Variants in DDHD1 observed in about 807,000 individuals in gnomAD.
DDHD1 encodes the protein DDHD domain containing 1.
DDHD1 carries 49 observed loss-of-function variants against 96.4 expected under a neutral mutation model. The observed-to-expected ratio is 0.51, with a 90% CI of 0.40 to 0.64. The LOEUF (loss-of-function observed/expected upper bound fraction) is 0.64, where lower values mean the gene tolerates loss of function less well. Ranked by LOEUF, DDHD1 falls within the 30% of genes least tolerant of loss-of-function variation. DDHD1 has a pLI of 0.00. For missense variants in DDHD1, 1,106 were observed against 1,161.2 expected, an observed-to-expected ratio of 0.95 and a Z score of 0.69; for synonymous variants, 442 against 446.5, an observed-to-expected ratio of 0.99 and a Z score of 0.13.
chr14:53,142,080 A>G (rs1890677723), intron 1 of DDHD1, among the ~76,000 whole-genome samples: 1 of 152,244 alleles, frequency 6.6e-6, no homozygotes, highest in Non-Finnish European at 1.5e-5. Flanking sequence ...CCTGATGATA[A>G]CTCTTGGAAG....
intron 12 of DDHD1, among the ~76,000 whole-genome samples, chr14:53,047,953 C>T (rs1882171371): frequency 6.6e-6 from 1 of 152,134 alleles, no homozygotes. Context: ...GTAAAGTCTG[C>T]CCCTGAACAT....
chr14:53,118,997 G>C (rs1397704230), intron 1 of DDHD1, among the ~76,000 whole-genome samples: 1 of 152,150 alleles, frequency 6.6e-6, no homozygotes, highest in African/African-American at 2.4e-5. Flanking sequence ...GAAGAGAGTG[G>C]GGGCCAATAT....
rs892175334 is a variant in DDHD1, at chr14:53,092,002, GA to G, written c.1142-71del. The G allele has an allele frequency of 3.3e-5, 47 of 1,437,060 alleles. No individual in the cohort carries two copies. The African/African-American group carries it at 5.3e-4, about 16-fold the overall frequency. The allele number at this position is 1,437,060 out of a possible 1,614,324, so 89.0% of individuals were successfully genotyped here. ...ATAGCATTTCCACAATATGTTAAAA[GA>G]AAAAAAAGAAGTAAAAGGAATATTA... On this transcript the variant is annotated intron_variant, in intron 3 of 12. Coordinates refer to ENST00000673822, the MANE Select transcript of DDHD1 (RefSeq NM_001160148.2).
intron 1 of DDHD1, among the ~76,000 whole-genome samples, chr14:53,142,260 T>A (rs2139887146): frequency 6.6e-6 from 1 of 152,346 alleles, no homozygotes; most frequent in South Asian, 2.1e-4. Context: ...GGATAAGGAA[T>A]GGCTGTCACG....
chr14:53,117,590 G>A (rs918339519), intron 1 of DDHD1, among the ~76,000 whole-genome samples: 2 of 152,318 alleles, frequency 1.3e-5, no homozygotes, highest in African/African-American at 2.4e-5. Flanking sequence ...CCTGGTGGGG[G>A]AAAGGGGCAT....
At chr14:53,047,495 C>A (rs924880376) in intron 12 of DDHD1, among the ~76,000 whole-genome samples, 1 of 152,158 alleles carries the variant, frequency 6.6e-6, no homozygotes, top group South Asian at 2.1e-4. Context: ...TCACAGGCAA[C>A]CCCCATAAAC....
chr14:53,132,650 T>C (rs10144420), intron 1 of DDHD1, among the ~76,000 whole-genome samples: 84,134 of 152,044 alleles, frequency 0.55, 25,202 homozygotes, highest in South Asian at 0.7. Context: ...ACCATGCTGT[T>C]ACATGGGCAG....
At chr14:53,055,591 C>A in intron 10 of DDHD1, 69 bp downstream of exon 10, 1 of 1,362,268 alleles carries the variant, frequency 7.3e-7, no homozygotes, top group Non-Finnish European at 9.8e-7. Flanking sequence ...TAGAATACTT[C>A]TAGTCCCCCA....
intron 10 of DDHD1, 64 bp from the exon 11 acceptor site, chr14:53,054,693 C>A: frequency 6.6e-7 from 1 of 1,522,764 alleles, no homozygotes; most frequent in Non-Finnish European, 9.0e-7. Flanking sequence ...CTAAAGAGCA[C>A]CACCCATAAT....
In DDHD1 at chr14:53,042,203, T is replaced by G. The variant is rs1244163559; in HGVS notation, c.*4565A>C. 5 of 152,198 alleles carry G rather than the reference T, an allele frequency of 3.3e-5. No homozygotes were observed. The highest frequency in any genetic ancestry group is 7.3e-5 in the Non-Finnish European group (5 of 68,030). 9.4% of individuals were successfully genotyped at this position (152,198 alleles called of 1,614,324 possible). On this transcript the variant is annotated 3_prime_UTR_variant, in exon 13 of 13. Transcript: ENST00000673822. The stretch of plus-strand genomic sequence containing the variant: ...AGGCCCCCACGCAGCACCAGATAGA[T>G]TCACAGAGCATTTAGTGTAGCAAAG...
chr14:53,057,786 C>T (rs749802640), intron 9 of DDHD1, among the ~76,000 whole-genome samples: 12 of 152,212 alleles, frequency 7.9e-5, no homozygotes, highest in Admixed American at 1.3e-4. Context: ...CCAAAACACA[C>T]GTTTAATAAT....
intron 1 of DDHD1, among the ~76,000 whole-genome samples, chr14:53,150,367 T>C (rs1891261988): frequency 6.6e-6 from 1 of 152,250 alleles, no homozygotes; most frequent in African/African-American, 2.4e-5. Context: ...GACTAATGAA[T>C]GAACTGCTTC....
In DDHD1 at chr14:53,103,874, C is replaced by T; in HGVS notation, c.839-18G>A. ...ATCAGCCTCTGAAAAAGAGAAATCA[C>T]AGAATTATACACATTTTAAGATTCA... On this transcript the variant is annotated intron_variant, in intron 1 of 12. Transcript: ENST00000673822. The T allele has an allele frequency of 6.3e-7, 1 of 1,574,814 alleles. No homozygotes were observed. Among genetic ancestry groups the T allele is most frequent in the Non-Finnish European group, 8.6e-7 (1 of 1,165,238 alleles).
Position 53,063,010 on chromosome 14 carries a change from G to A in DDHD1, c.1699C>T (p.Pro567Ser). The change falls in exon 7 of 13, where the codon CCT (proline) becomes TCT (serine). Residue 567 changes from proline (P) to serine (S), a missense_variant. Around this residue, in one of 2 missense-constraint regions of DDHD1, gnomAD observed 650 missense variants for 758.8 expected, o/e 0.86. Coordinates refer to ENST00000673822, the MANE Select transcript of DDHD1 (RefSeq NM_001160148.2). ...EQLLQKEEEL[P>S]DERWMSYEER... ...TCATAGCTCATCCATCGTTCATCAG[G>A]CAACTCTTCTTCCTTTTGCAGCAAC... 1 of 1,614,034 alleles carries A rather than the reference G, an allele frequency of 6.2e-7. No individual in the cohort carries two copies.
At chr14:53,053,204 T>TA (rs541551883) in intron 11 of DDHD1, 38 of 152,228 alleles carry the variant, frequency 2.5e-4, no homozygotes, top group African/African-American at 8.4e-4. Context: ...CTTCAGCAGT[T>TA]AGAGTTTTCT....
At chr14:53,084,438 C>T (rs950495570) in intron 4 of DDHD1, among the ~76,000 whole-genome samples, 3 of 152,076 alleles carry the variant, frequency 2.0e-5, no homozygotes, top group Non-Finnish European at 2.9e-5. Context: ...TACAAGTAAA[C>T]CTAGTTCTCA....
In DDHD1 at chr14:53,125,055, G is replaced by A. The variant is rs181312466; in HGVS notation, c.839-21199C>T. Among the ~76,000 whole-genome samples, 369 of 152,156 alleles carry A rather than the reference G, an allele frequency of 2.4e-3. 6 individuals are homozygous for A. Among genetic ancestry groups the A allele is most frequent in the Admixed American group, 0.024 (368 of 15,262 alleles). ...TGAAGACACCAGTCAGACTGGATTAGGGAAGTTTAGGACCTACCCTAAATG... is the reference window on the plus strand; with the variant it reads ...TGAAGACACCAGTCAGACTGGATTAAGGAAGTTTAGGACCTACCCTAAATG... On this transcript the variant is annotated intron_variant, in intron 1 of 12. Coordinates refer to ENST00000673822, the MANE Select transcript of DDHD1 (RefSeq NM_001160148.2).
chr14:53,045,081 G>A lies in DDHD1; in HGVS notation c.*1687C>T, dbSNP rs1881916623. On this transcript the variant is annotated 3_prime_UTR_variant, in exon 13 of 13. Transcript: ENST00000673822. ...TCCAAGAACATAGAAATCAAGCAGG[G>A]AAACACCGGCTTCATGGTCATTTCT... is the stretch of plus-strand genomic sequence containing the variant. 1 of 152,178 alleles carries A rather than the reference G, an allele frequency of 6.6e-6. No homozygotes were observed. The highest frequency in any genetic ancestry group is 1.5e-5 in the Non-Finnish European group (1 of 68,056). The allele number at this position is 152,178 out of a possible 1,614,324, so 9.4% of individuals were successfully genotyped here.
Position 53,054,839 on chromosome 14 carries a change from T to A in DDHD1, c.2246-210A>T, listed in dbSNP as rs564415469. ...GAGAGTTGTATAAGCTCTAGGAATA[T>A]AACACAGGAATATATAAACAAAGGA... On this transcript the variant is annotated intron_variant, in intron 10 of 12. Transcript: ENST00000673822. 2.0e-5 allele frequency among the ~76,000 whole-genome samples: 3 copies of A among 152,258 alleles called. No homozygotes were observed. The South Asian group carries it at 6.2e-4, about 32-fold the overall frequency.
Sources: allele counts gnomAD v4.1 joint callset (sites outside exome capture counted in the v4.1 genomes callset), GRCh38; gene constraint gnomAD v4.1.1; regional missense constraint gnomAD v4.1.1; transcripts MANE v1.5; gene names NCBI Gene and HGNC (gene_info 2026-07-23, HGNC 2026-07-21).